MN1: variants seen among roughly 807,000 people sequenced by gnomAD.
MN1 encodes the protein MN1 proto-oncogene, transcriptional regulator.
MN1 carries 19 observed loss-of-function variants against 86.9 expected under a neutral mutation model. The ratio of observed to expected loss-of-function variants is 0.22; its 90% CI spans 0.15 to 0.32. The LOEUF is 0.32. MN1 is among the 10% of genes least tolerant of loss of function. The pLI is 1.00. For synonymous variants in MN1, 928 were observed against 849.6 expected (o/e 1.09, Z -1.60); for missense variants, 1,841 against 1,862.0 (o/e 0.99, Z 0.21).
Position 27,799,419 on chromosome 22 carries a change from C to A in MN1, c.1125G>T (p.Pro375=), listed in dbSNP as rs370201483. Residue 375 remains proline, a synonymous_variant, in exon 1 of 2, where the codon CCG becomes CCT. Coordinates refer to ENST00000302326, the MANE Select transcript of MN1 (RefSeq NM_002430.3). ...PGLLVRQNSC[P]PALPRPQQGE... is the part of the protein sequence containing the mutation. ...CCTGCTGGGGCCGAGGGAGCGCAGGCGGGCACGAATTTTGTCGGACTAGAA... is the reference window on the plus strand; with the variant it reads ...CCTGCTGGGGCCGAGGGAGCGCAGGAGGGCACGAATTTTGTCGGACTAGAA... 6.7e-7 allele frequency: 1 copy of A among 1,483,716 alleles called. No individual in the cohort carries two copies. The highest frequency in any genetic ancestry group is 1.4e-5 in the African/African-American group (1 of 70,914). 91.9% of individuals were successfully genotyped at this position (1,483,716 alleles called of 1,614,324 possible).
chr22:27,799,389 C>G lies in MN1; in HGVS notation c.1155G>C (p.Glu385Asp), dbSNP rs1475502869. The part of the protein sequence containing the change: ...PPALPRPQQG[E>D]AGTPSGGLQD... The stretch of plus-strand genomic sequence containing the variant: ...GCAGGCCGCCGCTGGGCGTGCCCGC[C>G]TCGCCCTGCTGGGGCCGAGGGAGCG... Residue 385 changes from glutamate (E) to aspartate (D), a missense_variant, in exon 1 of 2, where the codon GAG becomes GAC. Physicochemically the swap from Glu to Asp is conservative, Grantham distance 45. Transcript: ENST00000302326. 7 of 1,528,500 alleles carry G rather than the reference C, an allele frequency of 4.6e-6. No homozygotes were observed. The highest frequency in any genetic ancestry group is 1.4e-5 in the African/African-American group (1 of 72,548). The allele number at this position is 1,528,500 out of a possible 1,614,324, so 94.7% of individuals were successfully genotyped here. A position where few individuals can be genotyped will look rare whatever the true frequency, so the allele number is the denominator to read the frequency against.
At chr22:27,785,341 A>G (rs919392537) in intron 1 of MN1, among the ~76,000 whole-genome samples, 1 of 152,196 alleles carries the variant, frequency 6.6e-6, no homozygotes, top group African/African-American at 2.4e-5. Flanking sequence ...TCGAGAAGCA[A>G]AAACACAGGC....
chr22:27,798,630 C>G lies in MN1; in HGVS notation c.1914G>C (p.Pro638=). 6.4e-7 allele frequency: 1 copy of G among 1,560,960 alleles called. No individual in the cohort carries two copies. Among genetic ancestry groups the G allele is most frequent in the African/African-American group, 1.4e-5 (1 of 73,826 alleles). The change falls in exon 1 of 2, where the codon CCG becomes CCC. Residue 638 remains proline (P), a synonymous_variant. Coordinates refer to ENST00000302326, the MANE Select transcript of MN1 (RefSeq NM_002430.3). ...ESAWFSGPHP[P]PGDLLPRRMG... is the part of the protein sequence containing the mutation. Reference sequence around the variant, plus strand: ...TCCTACGGGGCAGCAGGTCTCCGGGCGGCGGATGCGGACCTGAGAACCACG... The same window carrying G: ...TCCTACGGGGCAGCAGGTCTCCGGGGGGCGGATGCGGACCTGAGAACCACG...
rs12167375 is a variant in MN1, at chr22:27,800,328, C to G, written c.216G>C (p.Ala72=). Residue 72 remains alanine, a synonymous_variant, in exon 1 of 2, where the codon GCG becomes GCC. Coordinates refer to ENST00000302326, the MANE Select transcript of MN1 (RefSeq NM_002430.3). ...CTGCGTGCAACTCCGAGTGGCCGCG[C>G]GCGTGGAAGCCGTAGGGCTCCATGT... is the stretch of plus-strand genomic sequence containing the variant. ...GMNMEPYGFH[A]RGHSELHAGG... 1.5e-5 allele frequency: 23 copies of G among 1,583,504 alleles called. No homozygotes were observed. Among genetic ancestry groups the G allele is most frequent in the Non-Finnish European group, 7.7e-6 (9 of 1,163,770 alleles).
At position 27,798,477 on chromosome 22, in the gene MN1, C is replaced by T. The variant is rs754879467; in HGVS notation, c.2067G>A (p.Glu689=). Residue 689 remains glutamate, a synonymous_variant, in exon 1 of 2, where the codon GAG becomes GAA. Transcript: ENST00000302326. ...GTGAAGGCAGCGCGGGCACGTGGCCCTCTCCGGGCATCCTCATCGGCTCCT... is the reference window on the plus strand; with the variant it reads ...GTGAAGGCAGCGCGGGCACGTGGCCTTCTCCGGGCATCCTCATCGGCTCCT... ...PLQEPMRMPG[E]GHVPALPSPG... The T allele has an allele frequency of 1.9e-6, 3 of 1,562,772 alleles. No individual in the cohort carries two copies. The highest frequency in any genetic ancestry group is 2.6e-6 in the Non-Finnish European group (3 of 1,164,178).
Position 27,797,774 on chromosome 22 carries a change from G to A in MN1, c.2770C>T (p.Leu924=). 2 of 1,606,774 alleles carry A rather than the reference G, an allele frequency of 1.2e-6. No homozygotes were observed. The highest frequency in any genetic ancestry group is 1.1e-5 in the South Asian group (1 of 90,256). The part of the protein sequence containing the change: ...DGTSLSPNYT[L]ESTSGNDGKP... ...CCGTCATTCCCCGACGTGGATTCCA[G>A]GGTGTAGTTGGGGGAGAGGCTGGTG... Residue 924 remains leucine (L), a synonymous_variant, in exon 1 of 2, where the codon CTG becomes TTG. Transcript: ENST00000302326.
At position 27,749,579 on chromosome 22, in the gene MN1, C is replaced by G. The variant is rs551878959; in HGVS notation, c.*1336G>C. The G allele has an allele frequency of 1.6e-4, 38 of 232,296 alleles. No individual in the cohort carries two copies. Among genetic ancestry groups the G allele is most frequent in the Non-Finnish European group, 2.7e-4 (32 of 117,526 alleles). 14.4% of individuals were successfully genotyped at this position (232,296 alleles called of 1,614,324 possible). ...TCATCTCTGCTCAGAGCAGTTATTC[C>G]TTTGTGAGATGCTTGGGACATGGCT... On this transcript the variant is annotated 3_prime_UTR_variant, in exon 2 of 2. Transcript: ENST00000302326.
At position 27,800,751 on chromosome 22, in the gene MN1, G is replaced by A; in HGVS notation, c.-208C>T. The A allele has an allele frequency of 9.4e-6, 6 of 635,220 alleles. No homozygotes were observed. The highest frequency in any genetic ancestry group is 6.0e-5 in the Admixed American group (2 of 33,408). 39.3% of individuals were successfully genotyped at this position (635,220 alleles called of 1,614,324 possible). A position where few individuals can be genotyped will look rare whatever the true frequency, so the allele number is the denominator to read the frequency against. On this transcript the variant is annotated 5_prime_UTR_variant, in exon 1 of 2. Coordinates refer to ENST00000302326, the MANE Select transcript of MN1 (RefSeq NM_002430.3). ...TCCTGAAGCTCCGATTCTGCCCGGG[G>A]AGGGCCTCTCACATCTTGCGAGGCC... is the stretch of plus-strand genomic sequence containing the variant.
At chr22:27,774,876 G>A (rs1273273206) in intron 1 of MN1, among the ~76,000 whole-genome samples, 1 of 152,122 alleles carries the variant, frequency 6.6e-6, no homozygotes, top group African/African-American at 2.4e-5. Context: ...CTGTCACCCT[G>A]ACAATACCCA....
At chr22:27,766,306 G>C (rs1932869389) in intron 1 of MN1, among the ~76,000 whole-genome samples, 1 of 152,192 alleles carries the variant, frequency 6.6e-6, no homozygotes, top group Admixed American at 6.5e-5. Flanking sequence ...AGAGAGGATT[G>C]AGCGATGCTG....
chr22:27,762,680 G>T (rs980665213), intron 1 of MN1, among the ~76,000 whole-genome samples: 2 of 152,022 alleles, frequency 1.3e-5, no homozygotes, highest in South Asian at 2.1e-4. Context: ...GCCCCAGCAT[G>T]CTCGCACAGA....
chr22:27,791,734 C>G (rs1933213332), intron 1 of MN1: 1 of 152,184 alleles, frequency 6.6e-6, no homozygotes, highest in Non-Finnish European at 1.5e-5. Flanking sequence ...GAGGTAAATA[C>G]AGTATTCCTT....
In MN1 at chr22:27,801,120, C is replaced by A. The variant is rs920001849; in HGVS notation, c.-577G>T. On this transcript the variant is annotated 5_prime_UTR_variant, in exon 1 of 2. In the 5' UTR this introduces an upstream ATG that the reference lacks. Coordinates refer to ENST00000302326, the MANE Select transcript of MN1 (RefSeq NM_002430.3). ...AGTCCCCGCGCCCCGCAGCCCGAGC[C>A]TCCACCGAGCACGATCCGCTCGCAC... 32 of 232,136 alleles carry A rather than the reference C, an allele frequency of 1.4e-4. No individual in the cohort carries two copies. The Middle Eastern group carries it at 4.1e-3, about 30-fold the overall frequency. 14.4% of individuals were successfully genotyped at this position (232,136 alleles called of 1,614,324 possible).
intron 1 of MN1, among the ~76,000 whole-genome samples, chr22:27,762,028 G>A (rs1010774232): frequency 3.3e-5 from 5 of 152,186 alleles, no homozygotes; most frequent in East Asian, 3.9e-4. Context: ...TGACAGCCGC[G>A]GACGGCAGGA....
Position 27,750,781 on chromosome 22 carries a change from G to GGAA in MN1, c.*133_*134insTTC, listed in dbSNP as rs1555881002. 162 of 496,990 alleles carry GGAA rather than the reference G, an allele frequency of 3.3e-4. No homozygotes were observed. Among genetic ancestry groups the GGAA allele is most frequent in the African/African-American group, 1.0e-3 (22 of 21,396 alleles). 30.8% of individuals were successfully genotyped at this position (496,990 alleles called of 1,614,324 possible). On this transcript the variant is annotated 3_prime_UTR_variant, in exon 2 of 2. Coordinates refer to ENST00000302326, the MANE Select transcript of MN1 (RefSeq NM_002430.3). The stretch of plus-strand genomic sequence containing the variant: ...GCCACTAAGCAGGTACCAACCTAGA[G>GGAA]AAAAAAAAAAAACTCATCCACTCAG...
Position 27,749,903 on chromosome 22 carries a change from G to C in MN1, c.*1012C>G. 1 of 230,726 alleles carries C rather than the reference G, an allele frequency of 4.3e-6. No individual in the cohort carries two copies. The highest frequency in any genetic ancestry group is 8.6e-6 in the Non-Finnish European group (1 of 116,502). The allele number at this position is 230,726 out of a possible 1,614,324, so 14.3% of individuals were successfully genotyped here. ...CCTTCTTCCCTGGGATGCCCGGCCAGGAACAGCTTTCAGAAAAGGGAAAGG... is the reference window on the plus strand; with the variant it reads ...CCTTCTTCCCTGGGATGCCCGGCCACGAACAGCTTTCAGAAAAGGGAAAGG... On this transcript the variant is annotated 3_prime_UTR_variant, in exon 2 of 2. Transcript: ENST00000302326.
chr22:27,788,465 T>C (rs1933167067), intron 1 of MN1, among the ~76,000 whole-genome samples: 1 of 152,160 alleles, frequency 6.6e-6, no homozygotes, highest in Non-Finnish European at 1.5e-5. Context: ...GGCTAGGTTT[T>C]CTGCCGACTT....
intron 1 of MN1, among the ~76,000 whole-genome samples, chr22:27,782,162 C>T (rs1262543597): frequency 6.6e-6 from 1 of 152,208 alleles, no homozygotes; most frequent in Non-Finnish European, 1.5e-5. Context: ...CTGCTAGGAA[C>T]ACGTGCCCGA....
At chr22:27,778,849 G>T (rs1281877896) in intron 1 of MN1, among the ~76,000 whole-genome samples, 2 of 152,232 alleles carry the variant, frequency 1.3e-5, no homozygotes, top group Non-Finnish European at 2.9e-5. Context: ...TAGGACAGTG[G>T]CTGAAGCCCA....
Sources: allele counts gnomAD v4.1 joint callset (sites outside exome capture counted in the v4.1 genomes callset), GRCh38; gene constraint gnomAD v4.1.1; transcripts MANE v1.5; gene names NCBI Gene and HGNC (gene_info 2026-07-23, HGNC 2026-07-21).